Variants in NME7 observed in about 807,000 individuals in gnomAD.
NME7 encodes the protein nucleoside diphosphate kinase 7.
A neutral mutation model predicts 49.1 loss-of-function variants in NME7; 41 were observed. The ratio of observed to expected loss-of-function variants is 0.83; its 90% confidence interval spans 0.65 to 1.08. The LOEUF (loss-of-function observed/expected upper bound fraction) is 1.08. Ranked by LOEUF, NME7 falls within the 50% of genes least tolerant of loss-of-function variation. The pLI is 0.00. For synonymous variants in NME7, 139 were observed against 150.6 expected, an observed-to-expected ratio of 0.92 and a Z score of 0.56; for missense variants, 423 against 463.4, an observed-to-expected ratio of 0.91 and a Z score of 0.80.
Position 169,198,957 on chromosome 1 carries a change from A to C in NME7, c.991-29403T>G, listed in dbSNP as rs867082051. ...ACTTCTCTGAAAGAATTAAATTACC[A>C]GACAGGCCACCTAGGTAATTATAAA... On this transcript the variant is annotated intron_variant, in intron 10 of 11. Transcript: ENST00000367811. 2.6e-5 allele frequency among the ~76,000 whole-genome samples: 4 copies of C among 152,256 alleles called. No homozygotes were observed. In the South Asian group the frequency reaches 8.3e-4, roughly 32 times the overall value.
At chr1:169,191,828 G>GAA (rs34364140) in intron 10 of NME7, among the ~76,000 whole-genome samples, 4 of 148,018 alleles carry the variant, frequency 2.7e-5, no homozygotes, top group African/African-American at 9.9e-5. Flanking sequence ...TCCTTTTTCT[G>GAA]AAAAAAAAAA....
chr1:169,355,029 A>ATGT (rs372512234), intron 1 of NME7, among the ~76,000 whole-genome samples: 45 of 82,342 alleles, frequency 5.5e-4, no homozygotes, highest in East Asian at 3.5e-3. Context: ...ATAATTATAT[A>ATGT]TTATATATTA....
At chr1:169,253,291 T>G (rs1339165389) in intron 7 of NME7, among the ~76,000 whole-genome samples, 1 of 148,510 alleles carries the variant, frequency 6.7e-6, no homozygotes, top group African/African-American at 2.5e-5. Flanking sequence ...CCTTGTAAGT[T>G]GGATTCCTAG....
At chr1:169,143,393 T>C (rs12691502) in intron 11 of NME7, among the ~76,000 whole-genome samples, 75,815 of 151,710 alleles carry the variant, frequency 0.5, 19,354 homozygotes, top group East Asian at 0.8. Flanking sequence ...CAACTACCTT[T>C]TTCCTCAGCT....
intron 1 of NME7, among the ~76,000 whole-genome samples, chr1:169,341,637 G>C (rs1449610378): frequency 6.6e-6 from 1 of 152,170 alleles, no homozygotes; most frequent in Non-Finnish European, 1.5e-5. Context: ...TTTGAAAGCA[G>C]CCATGGGGAC....
In NME7 at chr1:169,237,704, A is replaced by G. The variant is rs1571315509; in HGVS notation, c.755-17T>C. On this transcript the variant is annotated splice_polypyrimidine_tract_variant and intron_variant, in intron 7 of 11. Transcript: ENST00000367811. ...CCAACAGTCCTGAAAATGAAGGACA[A>G]TGAGTGAAAAAATACAAAATTTTAA... is the stretch of plus-strand genomic sequence containing the variant. The G allele has an allele frequency of 6.3e-7, 1 of 1,591,184 alleles. No individual in the cohort carries two copies.
chr1:169,242,442 A>G (rs1648130216), intron 7 of NME7, among the ~76,000 whole-genome samples: 1 of 152,046 alleles, frequency 6.6e-6, no homozygotes, highest in Admixed American at 6.6e-5. Context: ...ATCTTCATAA[A>G]CAGCATCTAC....
chr1:169,176,069 T>A (rs768441110), intron 10 of NME7, among the ~76,000 whole-genome samples: 1 of 152,134 alleles, frequency 6.6e-6, no homozygotes, highest in Non-Finnish European at 1.5e-5. Context: ...TTACCAAAAC[T>A]GACCCATCAA....
chr1:169,216,230 G>C (rs930624447), intron 10 of NME7, among the ~76,000 whole-genome samples: 1 of 152,190 alleles, frequency 6.6e-6, no homozygotes, highest in Non-Finnish European at 1.5e-5. Context: ...GCTTCAGAAT[G>C]AGAGCTGTTC....
chr1:169,188,494 T>C (rs908470136), intron 10 of NME7, among the ~76,000 whole-genome samples: 15 of 152,226 alleles, frequency 9.9e-5, no homozygotes, highest in African/African-American at 3.4e-4. Context: ...ATCCATTCAA[T>C]TGAATGTCCA....
intron 10 of NME7, among the ~76,000 whole-genome samples, chr1:169,202,995 T>C (rs1455861650): frequency 6.6e-6 from 1 of 151,948 alleles, no homozygotes; most frequent in African/African-American, 2.4e-5. Context: ...GGGTCCTCAG[T>C]TGAATCCTTT....
At chr1:169,163,415 A>T (rs1028213005) in intron 11 of NME7, among the ~76,000 whole-genome samples, 1 of 152,140 alleles carries the variant, frequency 6.6e-6, no homozygotes, top group Non-Finnish European at 1.5e-5. Flanking sequence ...TAAATGGATC[A>T]ATTAAATTAG....
intron 10 of NME7, among the ~76,000 whole-genome samples, chr1:169,222,751 G>T (rs538936601): frequency 1.9e-4 from 29 of 152,186 alleles, no homozygotes; most frequent in Non-Finnish European, 2.2e-4. Context: ...ACTTATTTTT[G>T]AGTTGTAAAA....
At chr1:169,315,417 C>T (rs763811120) in intron 3 of NME7, among the ~76,000 whole-genome samples, 6 of 152,090 alleles carry the variant, frequency 3.9e-5, no homozygotes, top group African/African-American at 7.2e-5. Flanking sequence ...GCACACGCCT[C>T]CACGGCCGGC....
intron 8 of NME7, among the ~76,000 whole-genome samples, chr1:169,236,555 T>A (rs1320971695): frequency 6.6e-6 from 1 of 152,182 alleles, no homozygotes; most frequent in Non-Finnish European, 1.5e-5. Flanking sequence ...TATATTTTTT[T>A]AAATAGGCTT....
chr1:169,298,411 A>T, intron 6 of NME7, 145 bp downstream of exon 6: 1 of 738,532 alleles, frequency 1.4e-6, no homozygotes, highest in Non-Finnish European at 2.2e-6. Context: ...ACTGTTTGAT[A>T]GTAGGCAAGA....
Position 169,264,982 on chromosome 1 carries a change from G to A in NME7, c.754+22321C>T, listed in dbSNP as rs1004075439. On this transcript the variant is annotated intron_variant, in intron 7 of 11. Transcript: ENST00000367811. ...GAAGCAAACATGTCCTTCACATGGC[G>A]GCAACAAAGAGAAGTGCAGAGTAAA... Among the ~76,000 whole-genome samples, 5 of 132,906 alleles carry A rather than the reference G, an allele frequency of 3.8e-5. 1 individual carries two copies. Among genetic ancestry groups the A allele is most frequent in the South Asian group, 2.3e-4 (1 of 4,328 alleles). The allele number at this position is 132,906 out of a possible 152,430, so 87.2% of individuals were successfully genotyped here.
chr1:169,168,387 C>T (rs1206992741), intron 11 of NME7, among the ~76,000 whole-genome samples: 1 of 152,094 alleles, frequency 6.6e-6, no homozygotes, highest in Non-Finnish European at 1.5e-5. Flanking sequence ...TATGAATTTG[C>T]CATGGGTAAC....
chr1:169,347,405 T>C (rs1652987554), intron 1 of NME7, among the ~76,000 whole-genome samples: 1 of 152,020 alleles, frequency 6.6e-6, no homozygotes, highest in South Asian at 2.1e-4. Context: ...ACAAAAAGTA[T>C]AAAGCTTTGG....
Sources: gnomAD v4.1 joint callset for allele counts (sites outside exome capture counted in the v4.1 genomes callset) on GRCh38, gnomAD v4.1.1 for gene constraint, MANE v1.5 for transcripts, NCBI Gene and HGNC (gene_info 2026-07-23, HGNC 2026-07-21) for gene names.